The following CCDC88A variants were observed in gnomAD, a reference collection of about 807,000 sequenced individuals.
The protein encoded by CCDC88A is girdin.
CCDC88A carries 54 observed loss-of-function variants against 234.3 expected under a neutral mutation model. The observed-to-expected ratio is 0.23, with a 90% CI of 0.19 to 0.29. The LOEUF is 0.29. Among genes scored for constraint, CCDC88A ranks in the 10% least tolerant of loss-of-function variants. The pLI is 1.00. For missense variants in CCDC88A, 1,832 were observed against 2,123.4 expected, an observed-to-expected ratio of 0.86 and a Z score of 2.70; for synonymous variants, 753 against 737.8, an observed-to-expected ratio of 1.02 and a Z score of -0.33.
intron 25 of CCDC88A, among the ~76,000 whole-genome samples, chr2:55,303,962 A>T (rs1681215223): frequency 6.6e-6 from 1 of 152,184 alleles, no homozygotes; most frequent in Non-Finnish European, 1.5e-5. Flanking sequence ...GTATTTTATT[A>T]ATATAAAGCA....
chr2:55,352,250 T>C (rs1447031014), intron 8 of CCDC88A, among the ~76,000 whole-genome samples: 1 of 151,970 alleles, frequency 6.6e-6, no homozygotes, highest in Non-Finnish European at 1.5e-5. Context: ...ACTAACAAAG[T>C]GAAACCCTGT....
At chr2:55,336,061 C>G (rs942402019) in intron 14 of CCDC88A, among the ~76,000 whole-genome samples, 1 of 151,834 alleles carries the variant, frequency 6.6e-6, no homozygotes, top group African/African-American at 2.4e-5. Flanking sequence ...AAAAAATTAT[C>G]TGGGCATGGT....
chr2:55,311,478 C>G (rs1336203343), intron 23 of CCDC88A, among the ~76,000 whole-genome samples: 1 of 152,158 alleles, frequency 6.6e-6, no homozygotes, highest in African/African-American at 2.4e-5. Context: ...GTCTGAGAGG[C>G]ACAGACATAC....
At chr2:55,360,448 G>A (rs768530111) in intron 7 of CCDC88A, among the ~76,000 whole-genome samples, 2 of 151,968 alleles carry the variant, frequency 1.3e-5, no homozygotes, top group Admixed American at 6.6e-5. Flanking sequence ...AGCCCAAATT[G>A]AGGGAAAAAA....
chr2:55,416,433 TAAATAA>T (rs1472802462), intron 2 of CCDC88A, among the ~76,000 whole-genome samples: 582 of 27,984 alleles, frequency 0.021, 24 homozygotes, highest in Non-Finnish European at 0.027. Context: ...GTCAAATAAA[TAAATAA>T]ATAAATATAT....
At position 55,328,350 on chromosome 2, in the gene CCDC88A, C is replaced by T; in HGVS notation, c.2941G>A (p.Ala981Thr). The T allele has an allele frequency of 6.2e-7, 1 of 1,601,514 alleles. No homozygotes were observed. The highest frequency in any genetic ancestry group is 8.5e-7 in the Non-Finnish European group (1 of 1,174,828). Residue 981 changes from alanine (A) to threonine (T), a missense_variant, in exon 17 of 33, where the codon GCT becomes ACT. Physicochemically the swap from Ala to Thr is moderately conservative, Grantham distance 58. Around this residue, in one of 6 missense-constraint regions of CCDC88A, gnomAD observed 1,282 missense variants for 1,543.6 expected, o/e 0.83. Transcript: ENST00000436346. The surrounding 1 kb of genome is among the most constrained non-coding windows in gnomAD (Gnocchi z 4.3). ...TAATTCGTGGATTCTTCTAATCGAG[C>T]TTCTAAAGCAGCAATTTTTTCTTCT... ...IKEEKIAALE[A>T]RLEESTNYNQ...
rs60840841 is a variant in CCDC88A at position 55,416,443 on chromosome 2, A to AAT, written c.164+2371_164+2372dup. Among the ~76,000 whole-genome samples the AAT allele has an allele frequency of 6.3e-3, 100 of 15,814 alleles. 2 individuals are homozygous for AAT. Among genetic ancestry groups the AAT allele is most frequent in the South Asian group, 0.028 (9 of 316 alleles). 10.4% of individuals were successfully genotyped at this position (15,814 alleles called of 152,430 possible). A position where few individuals can be genotyped will look rare whatever the true frequency, so the allele number is the denominator to read the frequency against. On this transcript the variant is annotated intron_variant, in intron 2 of 32. Transcript: ENST00000436346. ...AAGAGGTCAAATAAATAAATAAATA[A>AAT]ATATATATATATATATATATATATA...
intron 2 of CCDC88A, among the ~76,000 whole-genome samples, chr2:55,391,901 T>C (rs1194996879): frequency 1.3e-5 from 2 of 152,222 alleles, no homozygotes; most frequent in Non-Finnish European, 2.9e-5. Flanking sequence ...AGAATCGCAC[T>C]TGGCATGTGG....
chr2:55,329,638 A>G (rs545875239), intron 16 of CCDC88A: 81 of 152,328 alleles, frequency 5.3e-4, no homozygotes, highest in Middle Eastern at 3.4e-3. Flanking sequence ...AGCATACAGA[A>G]TGAATGGATA....
chr2:55,333,824 A>G (rs1297306065), intron 15 of CCDC88A, among the ~76,000 whole-genome samples: 10 of 152,178 alleles, frequency 6.6e-5, no homozygotes, highest in African/African-American at 2.4e-4. Context: ...ACATTATTAT[A>G]TTGAAATAAA....
At chr2:55,383,342 G>A (rs542349999) in intron 3 of CCDC88A, among the ~76,000 whole-genome samples, 15 of 151,966 alleles carry the variant, frequency 9.9e-5, no homozygotes, top group Admixed American at 2.6e-4. Flanking sequence ...AAAATGGCCC[G>A]GCACGGTGGC....
chr2:55,399,181 G>T (rs1261594895), intron 2 of CCDC88A, among the ~76,000 whole-genome samples: 1 of 152,044 alleles, frequency 6.6e-6, no homozygotes, highest in East Asian at 1.9e-4. Context: ...AGAAATACCA[G>T]AATAGACACA....
chr2:55,349,202 G>A (rs1374259644), intron 9 of CCDC88A: 1 of 254,550 alleles, frequency 3.9e-6, no homozygotes, highest in East Asian at 9.4e-5. Flanking sequence ...CACATAAAGA[G>A]CACAGTTTAC....
At chr2:55,381,546 C>T (rs1173780739) in intron 3 of CCDC88A, among the ~76,000 whole-genome samples, 1 of 83,970 alleles carries the variant, frequency 1.2e-5, no homozygotes, top group Non-Finnish European at 2.1e-5. Flanking sequence ...GAGTGAGACC[C>T]TGTCTCAAAA....
intron 9 of CCDC88A, chr2:55,349,292 T>C: frequency 4.0e-6 from 2 of 495,534 alleles, no homozygotes; most frequent in Non-Finnish European, 7.0e-6. Context: ...CAGTCCTAAG[T>C]AGCTCTTTTG....
At chr2:55,381,889 T>C (rs1307835794) in intron 3 of CCDC88A, among the ~76,000 whole-genome samples, 1 of 152,152 alleles carries the variant, frequency 6.6e-6, no homozygotes, top group African/African-American at 2.4e-5. Context: ...AATTCTAAAA[T>C]ACACAGAAAT....
At chr2:55,315,735 T>G (rs931768757) in intron 22 of CCDC88A, among the ~76,000 whole-genome samples, 193 bp downstream of exon 22, 2 of 152,228 alleles carry the variant, frequency 1.3e-5, no homozygotes, top group Admixed American at 1.3e-4. Flanking sequence ...CTAATAGTTT[T>G]TAAAATATTG....
At chr2:55,349,730 A>G (rs1167380078) in intron 8 of CCDC88A, 131 bp from the exon 9 acceptor site, 2 of 498,868 alleles carry the variant, frequency 4.0e-6, no homozygotes, top group African/African-American at 5.8e-5. Flanking sequence ...CCTAATCTAG[A>G]AGATAAAAAA....
In CCDC88A at chr2:55,418,909, G is replaced by A. The variant is rs774120995; in HGVS notation, c.71C>T (p.Thr24Met). ...ATTTCCTGCGGCCAGAGGTCCAAAC[G>A]TTTTAACCTAGAACAAACAGAAGGA... ...MTSPLVTWVKTFGPLAAGNGT... is the reference protein window; with the variant it reads ...MTSPLVTWVKMFGPLAAGNGT... The change falls in exon 2 of 33, where the codon ACG (threonine) becomes ATG (methionine). Residue 24 changes from threonine (T) to methionine (M), a missense_variant. Transcript: ENST00000436346. 6.2e-7 allele frequency: 1 copy of A among 1,613,760 alleles called. No individual in the cohort carries two copies. Among genetic ancestry groups the A allele is most frequent in the East Asian group, 2.2e-5 (1 of 44,882 alleles).
Sources: allele counts gnomAD v4.1 joint callset (sites outside exome capture counted in the v4.1 genomes callset), GRCh38; gene constraint gnomAD v4.1.1; regional missense constraint gnomAD v4.1.1; non-coding constraint Gnocchi (gnomAD v3.1); transcripts MANE v1.5; gene names NCBI Gene and HGNC (gene_info 2026-07-23, HGNC 2026-07-21).